Variants in ULK4 observed in about 807,000 individuals in gnomAD.
ULK4 encodes inactive serine/threonine-protein kinase ULK4.
ULK4 carries 133 observed loss-of-function variants against 160.6 expected under a neutral mutation model. That is an observed-to-expected ratio of 0.83 (90% CI 0.72 to 0.96). ULK4 has a LOEUF of 0.96. Among genes scored for constraint, ULK4 ranks in the 40% least tolerant of loss-of-function variants. The pLI is 0.00. For synonymous variants in ULK4, 534 were observed against 539.8 expected (o/e 0.99, Z 0.15); for missense variants, 1,580 against 1,499.5 (o/e 1.05, Z -0.89).
chr3:41,677,768 T>G (rs1490432100), intron 29 of ULK4, among the ~76,000 whole-genome samples: 1 of 152,182 alleles, frequency 6.6e-6, no homozygotes, highest in African/African-American at 2.4e-5. Flanking sequence ...ACTTTATTTA[T>G]CAAGTTACTC....
chr3:41,771,489 T>C (rs2039372295), intron 21 of ULK4, among the ~76,000 whole-genome samples: 1 of 152,164 alleles, frequency 6.6e-6, no homozygotes, highest in African/African-American at 2.4e-5. Flanking sequence ...CTAATATTAT[T>C]AGTAAACATC....
chr3:41,658,752 C>T (rs2035040174), intron 30 of ULK4, among the ~76,000 whole-genome samples: 1 of 151,352 alleles, frequency 6.6e-6, no homozygotes. Context: ...CACACACACA[C>T]ACACACATAT....
intron 1 of ULK4, among the ~76,000 whole-genome samples, chr3:41,957,798 C>G (rs1700535819): frequency 6.6e-6 from 1 of 151,996 alleles, no homozygotes; most frequent in Admixed American, 6.6e-5. Flanking sequence ...CTTTGGGAGG[C>G]CAAGGAGGGA....
chr3:41,907,936 C>T lies in ULK4; in HGVS notation c.1091G>A (p.Arg364His), dbSNP rs756225801. 38 of 1,599,104 alleles carry T rather than the reference C, an allele frequency of 2.4e-5. No homozygotes were observed. Among genetic ancestry groups the T allele is most frequent in the Middle Eastern group, 3.5e-4 (2 of 5,750 alleles). ...LNESMFLLSS[R>H]PTPRTSTAVE... is the part of the protein sequence containing the mutation. ...TGCAGTGCTAGTTCTGGGAGTAGGA[C>T]GAGAACTGAAAAATACAAACCAGTT... Residue 364 changes from arginine to histidine, a missense_variant, in exon 12 of 37, where the codon CGT (arginine) becomes CAT (histidine). Arg to His is a conservative substitution (Grantham distance 29, BLOSUM62 0). Coordinates refer to ENST00000301831, the MANE Select transcript of ULK4 (RefSeq NM_017886.4).
At chr3:41,949,339 A>C (rs1700214453) in intron 2 of ULK4, among the ~76,000 whole-genome samples, 1 of 150,474 alleles carries the variant, frequency 6.6e-6, no homozygotes. Flanking sequence ...CACACACAAA[A>C]AGTAAAGTTT....
intron 30 of ULK4, among the ~76,000 whole-genome samples, chr3:41,625,859 GAAA>G (rs1036294796): frequency 2.0e-5 from 3 of 152,090 alleles, no homozygotes; most frequent in African/African-American, 7.2e-5. Context: ...AGACCTTTTT[GAAA>G]TTATCCCTGA....
At chr3:41,367,571 T>C (rs2081276999) in intron 35 of ULK4, among the ~76,000 whole-genome samples, 1 of 152,204 alleles carries the variant, frequency 6.6e-6, no homozygotes, top group South Asian at 2.1e-4. Context: ...GCCCTGAGTC[T>C]GGGATTCCTC....
chr3:41,897,138 C>T (rs992824457), intron 14 of ULK4, 135 bp from the exon 15 acceptor site: 10 of 684,924 alleles, frequency 1.5e-5, no homozygotes, highest in Non-Finnish European at 2.1e-5. Context: ...CAAAAATACT[C>T]CAAAGATGAC....
chr3:41,740,930 C>T (rs1182519563), intron 22 of ULK4, among the ~76,000 whole-genome samples: 2 of 151,946 alleles, frequency 1.3e-5, no homozygotes, highest in Non-Finnish European at 2.9e-5. Context: ...AATACAATAC[C>T]TGGGCTGCAA....
intron 32 of ULK4, among the ~76,000 whole-genome samples, chr3:41,558,709 AAAAAG>A (rs2087410638): frequency 6.6e-6 from 1 of 151,432 alleles, no homozygotes; most frequent in African/African-American, 2.4e-5. Flanking sequence ...ATCTCAAAAA[AAAAAG>A]AAAAGAAAAA....
intron 31 of ULK4, among the ~76,000 whole-genome samples, chr3:41,571,844 T>C (rs1374517797): frequency 6.6e-6 from 1 of 152,202 alleles, no homozygotes; most frequent in African/African-American, 2.4e-5. Flanking sequence ...GCAAGGAGTC[T>C]ACACTTTTGG....
chr3:41,757,387 C>T (rs965122422), intron 21 of ULK4, among the ~76,000 whole-genome samples: 6 of 152,092 alleles, frequency 3.9e-5, no homozygotes, highest in South Asian at 2.1e-4. Flanking sequence ...AATCCCAGCA[C>T]TTTGGGAGGC....
At chr3:41,814,508 A>G (rs1413123873) in intron 19 of ULK4, among the ~76,000 whole-genome samples, 7 of 152,054 alleles carry the variant, frequency 4.6e-5, no homozygotes, top group East Asian at 1.9e-4. Flanking sequence ...ACATTAGGTC[A>G]AGCTTGTTAA....
chr3:41,867,045 T>C (rs969012249), intron 17 of ULK4, among the ~76,000 whole-genome samples: 1 of 152,208 alleles, frequency 6.6e-6, no homozygotes, highest in African/African-American at 2.4e-5. Context: ...ATATGAACTA[T>C]TGGTTTGGTT....
At chr3:41,352,785 G>A (rs2080936583) in intron 35 of ULK4, among the ~76,000 whole-genome samples, 1 of 152,210 alleles carries the variant, frequency 6.6e-6, no homozygotes, top group African/African-American at 2.4e-5. Context: ...AAACAGGAGA[G>A]TGCGTGGCTT....
chr3:41,411,247 T>TG (rs759310304), intron 34 of ULK4, among the ~76,000 whole-genome samples: 23 of 151,946 alleles, frequency 1.5e-4, no homozygotes, highest in Non-Finnish European at 2.8e-4. Flanking sequence ...TTCAGGGAAG[T>TG]GGGGGGTCTA....
chr3:41,712,806 T>G (rs2037145336), intron 25 of ULK4, among the ~76,000 whole-genome samples: 1 of 152,082 alleles, frequency 6.6e-6, no homozygotes, highest in Non-Finnish European at 1.5e-5. Flanking sequence ...GAGGTAGGAT[T>G]GCTTGCGCCT....
intron 5 of ULK4, among the ~76,000 whole-genome samples, chr3:41,920,671 G>C (rs900374908): frequency 1.3e-5 from 2 of 152,080 alleles, no homozygotes; most frequent in African/African-American, 4.8e-5. Context: ...TTTTCTCCAG[G>C]AAGAAAGTAA....
rs537794348 is a variant in ULK4 at position 41,758,766 on chromosome 3, G to A, written c.2194-4278C>T. On this transcript the variant is annotated intron_variant, in intron 21 of 36. Coordinates refer to ENST00000301831, the MANE Select transcript of ULK4 (RefSeq NM_017886.4). ...CGGGTGCCTGTAGTCCCAGCTACTCGGGAGGCTGAGGCAGGAGAATGGCGT... is the reference window on the plus strand; with the variant it reads ...CGGGTGCCTGTAGTCCCAGCTACTCAGGAGGCTGAGGCAGGAGAATGGCGT... Among the ~76,000 whole-genome samples the A allele has an allele frequency of 4.0e-3, 600 of 151,714 alleles. 2 individuals carry two copies. Among genetic ancestry groups the A allele is most frequent in the African/African-American group, 0.014 (580 of 41,364 alleles).
Sources: allele counts gnomAD v4.1 joint callset (sites outside exome capture counted in the v4.1 genomes callset), GRCh38; gene constraint gnomAD v4.1.1; transcripts MANE v1.5; gene names NCBI Gene and HGNC (gene_info 2026-07-23, HGNC 2026-07-21).